Variants in CNTNAP2 observed in about 807,000 individuals in gnomAD.
The protein encoded by CNTNAP2 is contactin associated protein 2.
A neutral mutation model predicts 155.2 loss-of-function variants in CNTNAP2; 98 were observed. The ratio of observed to expected loss-of-function variants is 0.63; its 90% CI spans 0.54 to 0.75. CNTNAP2 has a LOEUF of 0.75. CNTNAP2 is among the 30% of genes least tolerant of loss of function. CNTNAP2 has a pLI of 0.00. For synonymous variants in CNTNAP2, 651 were observed against 631.2 expected (o/e 1.03, Z -0.47); for missense variants, 1,727 against 1,688.1 (o/e 1.02, Z -0.40).
chr7:146,662,817 A>G (rs1173463832), intron 1 of CNTNAP2, among the ~76,000 whole-genome samples: 1 of 152,120 alleles, frequency 6.6e-6, no homozygotes, highest in Non-Finnish European at 1.5e-5. Flanking sequence ...ACATTTTTTT[A>G]AATACCATAT....
chr7:147,059,427 A>T (rs1799621593), intron 4 of CNTNAP2, among the ~76,000 whole-genome samples: 1 of 101,092 alleles, frequency 9.9e-6, no homozygotes, highest in African/African-American at 4.1e-5. Flanking sequence ...TTATATGATA[A>T]TTCTGATTTT....
At chr7:147,988,295 A>AC (rs1801653729) in intron 15 of CNTNAP2, among the ~76,000 whole-genome samples, 1 of 152,166 alleles carries the variant, frequency 6.6e-6, no homozygotes, top group Non-Finnish European at 1.5e-5. Flanking sequence ...TTCAGATCTT[A>AC]ATCTCTTTAG....
chr7:148,047,146 C>A (rs1802789437), intron 15 of CNTNAP2, among the ~76,000 whole-genome samples: 1 of 152,132 alleles, frequency 6.6e-6, no homozygotes, highest in Admixed American at 6.6e-5. Flanking sequence ...TAACTACTTG[C>A]CATTGGTCAT....
intron 1 of CNTNAP2, among the ~76,000 whole-genome samples, chr7:146,493,719 C>T (rs772750849): frequency 2.6e-5 from 4 of 151,870 alleles, no homozygotes; most frequent in Non-Finnish European, 5.9e-5. Context: ...TTGGTAAAAA[C>T]AGACACTTAA....
chr7:146,495,818 G>T (rs1797207144), intron 1 of CNTNAP2, among the ~76,000 whole-genome samples: 1 of 152,214 alleles, frequency 6.6e-6, no homozygotes, highest in East Asian at 1.9e-4. Flanking sequence ...ACTAAACAAG[G>T]TAGGCTTATG....
intron 12 of CNTNAP2, among the ~76,000 whole-genome samples, chr7:147,597,812 G>A (rs998470980): frequency 3.9e-5 from 6 of 152,192 alleles, no homozygotes; most frequent in South Asian, 2.1e-4. Flanking sequence ...GTTCGGAAAC[G>A]TGTGTCCTGG....
intron 1 of CNTNAP2, among the ~76,000 whole-genome samples, chr7:146,414,714 G>A (rs914521256): frequency 2.0e-5 from 3 of 152,164 alleles, no homozygotes; most frequent in African/African-American, 7.2e-5. Context: ...GGGTTTGGAA[G>A]TAGGTGGTCT....
chr7:146,331,127 AC>A (rs1464073809), intron 1 of CNTNAP2, among the ~76,000 whole-genome samples: 4 of 151,656 alleles, frequency 2.6e-5, no homozygotes, highest in African/African-American at 4.9e-5. Flanking sequence ...ACACGGTGAA[AC>A]CCCGTCTCTA....
At chr7:146,784,881 T>C (rs1802548229) in intron 2 of CNTNAP2, among the ~76,000 whole-genome samples, 1 of 152,140 alleles carries the variant, frequency 6.6e-6, no homozygotes, top group African/African-American at 2.4e-5. Flanking sequence ...TTATCAAATA[T>C]TTACACACTG....
At chr7:146,206,008 T>G (rs1339043639) in intron 1 of CNTNAP2, among the ~76,000 whole-genome samples, 1 of 151,922 alleles carries the variant, frequency 6.6e-6, no homozygotes, top group Non-Finnish European at 1.5e-5. Flanking sequence ...CTAAGCATTT[T>G]ATTTGTGTTT....
At chr7:146,846,099 G>A (rs1248077533) in intron 3 of CNTNAP2, among the ~76,000 whole-genome samples, 1 of 152,118 alleles carries the variant, frequency 6.6e-6, no homozygotes, top group Non-Finnish European at 1.5e-5. Context: ...GCATGCGAAA[G>A]TCAGGATGAC....
intron 12 of CNTNAP2, among the ~76,000 whole-genome samples, chr7:147,602,523 T>C (rs7809521): frequency 0.39 from 58,983 of 150,498 alleles, 11,606 homozygotes; most frequent in Admixed American, 0.43. Context: ...AGTTTTAGGG[T>C]ACATGTGCAT....
chr7:147,268,863 A>G (rs1169464011), intron 8 of CNTNAP2, among the ~76,000 whole-genome samples: 1 of 152,220 alleles, frequency 6.6e-6, no homozygotes, highest in Non-Finnish European at 1.5e-5. Context: ...GGATGCATCC[A>G]GGTTTTGTGT....
chr7:147,600,412 C>G (rs779834729), intron 12 of CNTNAP2, among the ~76,000 whole-genome samples: 1 of 152,320 alleles, frequency 6.6e-6, no homozygotes, highest in Non-Finnish European at 1.5e-5. Flanking sequence ...CTTTGTAGTG[C>G]AATGGCAGCC....
chr7:146,930,003 G>A (rs1469972988), intron 3 of CNTNAP2, among the ~76,000 whole-genome samples: 4 of 152,138 alleles, frequency 2.6e-5, no homozygotes, highest in Admixed American at 2.0e-4. Flanking sequence ...GAACCAAGTT[G>A]GAAAACACTC....
chr7:148,298,508 G>A (rs1304174173), intron 21 of CNTNAP2, among the ~76,000 whole-genome samples: 2 of 151,930 alleles, frequency 1.3e-5, no homozygotes, highest in South Asian at 2.1e-4. Flanking sequence ...CTGATTAGAT[G>A]GTGCCCACCC....
chr7:148,328,399 G>C (rs1797927693), intron 21 of CNTNAP2, among the ~76,000 whole-genome samples: 1 of 152,192 alleles, frequency 6.6e-6, no homozygotes, highest in African/African-American at 2.4e-5. Flanking sequence ...GGTATCAATT[G>C]ATCATTTGGG....
At chr7:147,601,644 A>AAAAAAAAAAAAT (rs1299075338) in intron 12 of CNTNAP2, among the ~76,000 whole-genome samples, 2 of 87,468 alleles carry the variant, frequency 2.3e-5, no homozygotes, top group African/African-American at 8.6e-5. Flanking sequence ...CTTAAAAAAA[A>AAAAAAAAAAAAT]ATATATATAT....
chr7:148,022,400 C>A (rs1043692946), intron 15 of CNTNAP2, among the ~76,000 whole-genome samples: 1 of 147,524 alleles, frequency 6.8e-6, no homozygotes, highest in Non-Finnish European at 1.5e-5. Flanking sequence ...ACCCGGGAGG[C>A]GGAAGTTGCA....
Sources: allele counts gnomAD v4.1 joint callset (sites outside exome capture counted in the v4.1 genomes callset), GRCh38; gene constraint gnomAD v4.1.1; transcripts MANE v1.5; gene names NCBI Gene and HGNC (gene_info 2026-07-23, HGNC 2026-07-21).